Variants in KIAA1549 observed in about 807,000 individuals in gnomAD.
KIAA1549 encodes the protein UPF0606 protein KIAA1549.
Under a neutral mutation model 156.4 loss-of-function variants are expected in KIAA1549, and 70 were observed. The ratio of observed to expected loss-of-function variants is 0.45; its 90% confidence interval spans 0.37 to 0.55. KIAA1549 has a LOEUF of 0.55. Ranked by LOEUF, KIAA1549 falls within the 20% of genes least tolerant of loss-of-function variation. KIAA1549 has a pLI of 0.00. For synonymous variants in KIAA1549, 1,103 were observed against 1,066.4 expected (o/e 1.03, Z -0.67); for missense variants, 2,428 against 2,540.9 (o/e 0.96, Z 0.96).
chr7:138,965,522 A>C (rs1200229252), intron 1 of KIAA1549, among the ~76,000 whole-genome samples: 1 of 152,194 alleles, frequency 6.6e-6, no homozygotes, highest in Non-Finnish European at 1.5e-5. Flanking sequence ...AGCTGAAGAC[A>C]ATACAATTAC....
At chr7:138,962,735 G>A (rs761559581) in intron 1 of KIAA1549, among the ~76,000 whole-genome samples, 12 of 152,076 alleles carry the variant, frequency 7.9e-5, no homozygotes, top group Admixed American at 5.2e-4. Flanking sequence ...AGACCTGTCC[G>A]AATTCCTGAC....
chr7:138,888,053 C>G (rs1248265240), intron 10 of KIAA1549, among the ~76,000 whole-genome samples: 3 of 152,222 alleles, frequency 2.0e-5, no homozygotes, highest in Non-Finnish European at 4.4e-5. Flanking sequence ...TGTGCTTTAT[C>G]TGTCTATGTG....
chr7:138,838,149 G>A lies in KIAA1549; in HGVS notation c.5610C>T (p.Leu1870=), dbSNP rs764234582. The part of the protein sequence containing the change: ...EAGRREATHM[L]GHQEYSSSPL... ...GTGAAGAAGAATACTCTTGATGTCC[G>A]AGCATGTGTGTCTGAAAAACATGGC... Residue 1870 remains leucine, a synonymous_variant, in exon 20 of 20, where the codon CTC becomes CTT. Transcript: ENST00000422774. The A allele has an allele frequency of 1.5e-5, 22 of 1,471,694 alleles. No individual in the cohort carries two copies. The highest frequency in any genetic ancestry group is 4.3e-5 in the African/African-American group (3 of 70,548). The allele number at this position is 1,471,694 out of a possible 1,614,324, so 91.2% of individuals were successfully genotyped here. A position where few individuals can be genotyped will look rare whatever the true frequency, so the allele number is the denominator to read the frequency against.
rs147732074 is a variant in KIAA1549 at position 138,882,392 on chromosome 7, G to A, written c.4033-808C>T. ...GAAAGTGACGTTAAGGGAAAGAGGC[G>A]AGTCATATAGGAATGATGGCTCGAG... On this transcript the variant is annotated intron_variant, in intron 10 of 19. Transcript: ENST00000422774. Among the ~76,000 whole-genome samples, 16 of 152,240 alleles carry A rather than the reference G, an allele frequency of 1.1e-4. No individual in the cohort carries two copies. In the South Asian group the frequency reaches 2.3e-3, roughly 22 times the overall value.
intron 1 of KIAA1549, among the ~76,000 whole-genome samples, chr7:138,925,624 T>C (rs1812690011): frequency 6.6e-6 from 1 of 151,956 alleles, no homozygotes; most frequent in African/African-American, 2.4e-5. Context: ...GCTTGAGCCC[T>C]GGAGTTCACC....
At chr7:138,903,501 A>G in intron 8 of KIAA1549, 87 bp downstream of exon 8, 1 of 1,333,796 alleles carries the variant, frequency 7.5e-7, no homozygotes, top group Non-Finnish European at 1.0e-6. Flanking sequence ...GCATAAAAAT[A>G]CAGGGTTTTA....
rs777362931 is a variant in KIAA1549, at chr7:138,919,364, T to G, written c.262A>C (p.Ser88Arg). ...ELVLKKSTGH[S>R]AAQVALTETA... is the part of the protein sequence containing the mutation. ...TCTGTTAAGGCCACTTGTGCAGCGC[T>G]GTGCCCAGTGCTTTTCTTCAGCACG... Residue 88 changes from serine to arginine, a missense_variant, in exon 2 of 20, where the codon AGC becomes CGC. By Grantham distance (110) the Ser-to-Arg change is moderately radical. Around this residue, in one of 5 missense-constraint regions of KIAA1549, gnomAD observed 893 missense variants for 847.9 expected, o/e 1.05. Coordinates refer to ENST00000422774, the MANE Select transcript of KIAA1549 (RefSeq NM_001164665.2). The G allele has an allele frequency of 6.2e-7, 1 of 1,614,036 alleles. No individual in the cohort carries two copies. Among genetic ancestry groups the G allele is most frequent in the East Asian group, 2.2e-5 (1 of 44,880 alleles).
Position 138,904,062 on chromosome 7 carries a change from G to A in KIAA1549, c.3521-326C>T, listed in dbSNP as rs370517590. ...AACTCAGCACTGCAGGAGCTTTGGC[G>A]CAAAGGGCGCCTACGCAAGATCAAA... On this transcript the variant is annotated intron_variant, in intron 7 of 19. Transcript: ENST00000422774. Among the ~76,000 whole-genome samples, 43 of 152,184 alleles carry A rather than the reference G, an allele frequency of 2.8e-4. 1 individual carries two copies. Among genetic ancestry groups the A allele is most frequent in the Admixed American group, 5.2e-4 (8 of 15,288 alleles).
intron 1 of KIAA1549, 133 bp downstream of exon 1, chr7:138,980,950 C>T (rs1814526646): frequency 1.2e-6 from 1 of 822,738 alleles, no homozygotes; most frequent in Non-Finnish European, 1.6e-6. Context: ...AATGGCAAAG[C>T]ATCTTCCAGA....
intron 1 of KIAA1549, among the ~76,000 whole-genome samples, chr7:138,957,658 A>C (rs1356856377): frequency 1.3e-5 from 2 of 152,050 alleles, no homozygotes; most frequent in Non-Finnish European, 2.9e-5. Flanking sequence ...TTGTATTTTT[A>C]GTAGAGACAG....
chr7:138,856,573 A>G (rs1810398931), intron 16 of KIAA1549, among the ~76,000 whole-genome samples: 1 of 152,070 alleles, frequency 6.6e-6, no homozygotes, highest in African/African-American at 2.4e-5. Flanking sequence ...AATCTTTCAA[A>G]AGGCTTACCT....
intron 1 of KIAA1549, among the ~76,000 whole-genome samples, chr7:138,948,723 G>C (rs1243690648): frequency 7.0e-6 from 1 of 143,496 alleles, no homozygotes; most frequent in Admixed American, 7.1e-5. Context: ...ATAGAGTTTC[G>C]CTCTCATTGC....
intron 17 of KIAA1549, among the ~76,000 whole-genome samples, chr7:138,849,185 T>A (rs4732340): frequency 0.72 from 108,797 of 152,004 alleles, 39,251 homozygotes; most frequent in East Asian, 0.92. Flanking sequence ...ATTAGTTTTC[T>A]AAGAACAAAT....
rs1373219207 is a variant in KIAA1549 at position 138,832,715 on chromosome 7, G to A, written c.*5191C>T. On this transcript the variant is annotated 3_prime_UTR_variant, in exon 20 of 20. Transcript: ENST00000422774. ...TCTTTTCCTAAATTTCAATGCTGCT[G>A]TGTTTTAAGATAAATTATCAAGCCT... 1 of 218,558 alleles carries A rather than the reference G, an allele frequency of 4.6e-6. No individual in the cohort carries two copies. The highest frequency in any genetic ancestry group is 6.7e-5 in the East Asian group (1 of 14,848). The allele number at this position is 218,558 out of a possible 1,614,324, so 13.5% of individuals were successfully genotyped here. A position where few individuals can be genotyped will look rare whatever the true frequency, so the allele number is the denominator to read the frequency against.
At chr7:138,881,661 A>G (rs920839560) in intron 10 of KIAA1549, 77 bp from the exon 11 acceptor site, 51 of 1,291,944 alleles carry the variant, frequency 3.9e-5, no homozygotes, top group Non-Finnish European at 5.0e-5. Flanking sequence ...CTTCTGACCC[A>G]AGACTGTGCT....
intron 18 of KIAA1549, among the ~76,000 whole-genome samples, chr7:138,842,797 C>T (rs1478225443): frequency 6.6e-6 from 1 of 152,098 alleles, no homozygotes; most frequent in East Asian, 1.9e-4. Context: ...ATCTCAAATC[C>T]CCCTTTTCTG....
At chr7:138,891,735 A>T (rs147018058) in intron 10 of KIAA1549, among the ~76,000 whole-genome samples, 1 of 152,120 alleles carries the variant, frequency 6.6e-6, no homozygotes, top group Admixed American at 6.6e-5. Flanking sequence ...GAGGCGCATC[A>T]GGAGGTGGGG....
chr7:138,970,701 T>A (rs903708808), intron 1 of KIAA1549, among the ~76,000 whole-genome samples: 15 of 152,178 alleles, frequency 9.9e-5, no homozygotes, highest in African/African-American at 3.6e-4. Context: ...GGACCACACT[T>A]GGAGCAGCAA....
At chr7:138,868,155 C>A in intron 14 of KIAA1549, 27 bp from the exon 15 acceptor site, 1 of 1,601,538 alleles carries the variant, frequency 6.2e-7, no homozygotes, top group Non-Finnish European at 8.5e-7. Flanking sequence ...AAATTATCTT[C>A]GTAGGAAATC....
Sources: allele counts gnomAD v4.1 joint callset (sites outside exome capture counted in the v4.1 genomes callset), GRCh38; gene constraint gnomAD v4.1.1; regional missense constraint gnomAD v4.1.1; transcripts MANE v1.5; gene names NCBI Gene and HGNC (gene_info 2026-07-23, HGNC 2026-07-21).